The following SMR3A variants were observed in gnomAD, a reference collection of about 807,000 sequenced individuals.
SMR3A encodes the protein submaxillary gland androgen-regulated protein 3A.
For synonymous variants in SMR3A, 48 were observed against 57.4 expected (o/e 0.84, Z 0.74); for missense variants, 188 against 163.0 (o/e 1.15, Z -0.84).
intron 2 of SMR3A, among the ~76,000 whole-genome samples, chr4:70,363,132 G>T (rs1271979982): frequency 6.6e-6 from 1 of 151,814 alleles, no homozygotes; most frequent in East Asian, 1.9e-4. Context: ...TCATAAAGCT[G>T]ATTTTCAACA....
rs760267988 is a variant in SMR3A at position 70,362,176 on chromosome 4, A to G, written c.54+7A>G. ...TCTTGCAGCGTGTTTCACAGTAAGT[A>G]TCATTAATCACGATCACACATCTTT... On this transcript the variant is annotated splice_region_variant and intron_variant, in intron 2 of 2. Transcript: ENST00000226460. 5.1e-5 allele frequency: 82 copies of G among 1,611,688 alleles called. No individual in the cohort carries two copies. The highest frequency in any genetic ancestry group is 6.6e-5 in the Non-Finnish European group (78 of 1,178,336).
At chr4:70,363,051 G>T (rs1732181502) in intron 2 of SMR3A, among the ~76,000 whole-genome samples, 1 of 151,764 alleles carries the variant, frequency 6.6e-6, no homozygotes, top group African/African-American at 2.4e-5. Context: ...ATGCATTATG[G>T]GTGGACATAA....
intron 2 of SMR3A, among the ~76,000 whole-genome samples, chr4:70,363,138 C>T (rs1377923825): frequency 6.6e-6 from 1 of 151,870 alleles, no homozygotes; most frequent in East Asian, 1.9e-4. Flanking sequence ...AGCTGATTTT[C>T]AACATTTTCA....
chr4:70,366,860 T>C lies in SMR3A; in HGVS notation c.271T>C (p.Ser91Pro). The change falls in exon 3 of 3, where the codon TCA becomes CCA. Residue 91 changes from serine (S) to proline (P), a missense_variant. Physicochemically the swap from Ser to Pro is moderately conservative, Grantham distance 74. Transcript: ENST00000226460. ...PPPYGPGRIQ[S>P]HSLPPPYGPG... ...ACCCTATGGTCCAGGGAGAATTCAA[T>C]CACACTCTCTTCCTCCTCCTTATGG... 6.2e-7 allele frequency: 1 copy of C among 1,613,438 alleles called. No homozygotes were observed. The highest frequency in any genetic ancestry group is 8.5e-7 in the Non-Finnish European group (1 of 1,179,752).
At chr4:70,366,546 A>T (rs1054567123) in intron 2 of SMR3A, 98 bp from the exon 3 acceptor site, 2 of 1,158,990 alleles carry the variant, frequency 1.7e-6, no homozygotes, top group Non-Finnish European at 2.4e-6. Context: ...AGAAATCTTG[A>T]GGCCATCTCA....
At position 70,366,808 on chromosome 4, in the gene SMR3A, A is replaced by G. The variant is rs1250808321; in HGVS notation, c.219A>G (p.Pro73=). Residue 73 remains proline (P), a synonymous_variant, in exon 3 of 3, where the codon CCA becomes CCG. Coordinates refer to ENST00000226460, the MANE Select transcript of SMR3A (RefSeq NM_012390.4). ...CACCCCTTTCTCCACCCTATGGTCC[A>G]GGGAGAATCCCACCATCCCCTCCTC... ...FPPPLSPPYG[P]GRIPPSPPPP... 1 of 1,613,292 alleles carries G rather than the reference A, an allele frequency of 6.2e-7. No homozygotes were observed. Among genetic ancestry groups the G allele is most frequent in the South Asian group, 1.1e-5 (1 of 91,060 alleles).
At chr4:70,364,786 G>C (rs1280143623) in intron 2 of SMR3A, among the ~76,000 whole-genome samples, 1 of 151,926 alleles carries the variant, frequency 6.6e-6, no homozygotes, top group African/African-American at 2.4e-5. Context: ...TCTAAGGTAA[G>C]ATACTCAAAA....
Position 70,366,641 on chromosome 4 carries a change from C to T in SMR3A, c.55-3C>T. On this transcript the variant is annotated splice_region_variant and splice_polypyrimidine_tract_variant and intron_variant, in intron 2 of 2. Transcript: ENST00000226460. ...AAAATTATTTACTTCTTTGTTTCCA[C>T]AGCCTGGTGAGAGTCAAAGAGGCCC... 1 of 1,583,912 alleles carries T rather than the reference C, an allele frequency of 6.3e-7. No homozygotes were observed. The highest frequency in any genetic ancestry group is 1.1e-5 in the South Asian group (1 of 87,548).
intron 2 of SMR3A, among the ~76,000 whole-genome samples, chr4:70,366,402 C>T (rs1175227482): frequency 6.9e-6 from 1 of 145,260 alleles, no homozygotes; most frequent in Admixed American, 6.7e-5. Flanking sequence ...CGCCACAACA[C>T]GGCATCTTGA....
chr4:70,364,190 T>A (rs1264013059), intron 2 of SMR3A, among the ~76,000 whole-genome samples: 1 of 152,070 alleles, frequency 6.6e-6, no homozygotes, highest in African/African-American at 2.4e-5. Flanking sequence ...TATTGGTGGT[T>A]GAAACTGAAT....
At position 70,367,032 on chromosome 4, in the gene SMR3A, G is replaced by A. The variant is rs771013127; in HGVS notation, c.*38G>A. 2.6e-6 allele frequency: 4 copies of A among 1,548,714 alleles called. No individual in the cohort carries two copies. The highest frequency in any genetic ancestry group is 2.7e-6 in the Non-Finnish European group (3 of 1,124,476). ...GCAACAGGTGCCACCACCCACAAAA[G>A]ACAACACTACCCTCGTAACTACTGC... On this transcript the variant is annotated 3_prime_UTR_variant, in exon 3 of 3. Transcript: ENST00000226460.
intron 1 of SMR3A, 80 bp from the exon 2 acceptor site, chr4:70,362,022 T>A: frequency 6.2e-7 from 1 of 1,602,078 alleles, no homozygotes. Flanking sequence ...TACTACATTA[T>A]ATCCATGTGT....
chr4:70,362,802 G>A (rs1324567338), intron 2 of SMR3A, among the ~76,000 whole-genome samples: 2 of 151,716 alleles, frequency 1.3e-5, no homozygotes, highest in African/African-American at 2.4e-5. Context: ...GTTACAAAGA[G>A]GAGATTAATT....
intron 1 of SMR3A, among the ~76,000 whole-genome samples, chr4:70,361,046 A>G (rs577900925): frequency 2.2e-4 from 33 of 152,052 alleles, no homozygotes; most frequent in African/African-American, 7.9e-4. Context: ...CAATTAGTCC[A>G]CCCAAGTACA....
chr4:70,362,608 C>A (rs1732173699), intron 2 of SMR3A, among the ~76,000 whole-genome samples: 2 of 151,790 alleles, frequency 1.3e-5, no homozygotes, highest in Admixed American at 1.3e-4. Context: ...TTAGGAGAAT[C>A]TTTGCATGCT....
At chr4:70,362,504 T>C (rs546231707) in intron 2 of SMR3A, among the ~76,000 whole-genome samples, 1 of 151,884 alleles carries the variant, frequency 6.6e-6, no homozygotes, top group Admixed American at 6.6e-5. Flanking sequence ...TCCTAACATA[T>C]GGAGTCACCT....
At chr4:70,364,419 G>A (rs1451116511) in intron 2 of SMR3A, among the ~76,000 whole-genome samples, 4 of 151,850 alleles carry the variant, frequency 2.6e-5, no homozygotes, top group Non-Finnish European at 5.9e-5. Flanking sequence ...ATGAAGAGCT[G>A]ATAGGATAGG....
chr4:70,365,996 C>T (rs1732251732), intron 2 of SMR3A, among the ~76,000 whole-genome samples: 2 of 151,960 alleles, frequency 1.3e-5, no homozygotes, highest in Admixed American at 1.3e-4. Flanking sequence ...TCATTGAGAG[C>T]CTAGGTATTC....
Position 70,362,031 on chromosome 4 carries a change from G to A in SMR3A, c.-14-71G>A, listed in dbSNP as rs548609975. 1.1e-5 allele frequency: 17 copies of A among 1,604,518 alleles called. No individual in the cohort carries two copies. In the South Asian group the frequency reaches 1.9e-4, roughly 18 times the overall value. On this transcript the variant is annotated intron_variant, in intron 1 of 2. Coordinates refer to ENST00000226460, the MANE Select transcript of SMR3A (RefSeq NM_012390.4). Reference sequence around the variant, plus strand: ...TATCTGTACTACATTATATCCATGTGTTGAGACATTTTAAATAGTACTTTT... The same window carrying A: ...TATCTGTACTACATTATATCCATGTATTGAGACATTTTAAATAGTACTTTT...
Sources: allele counts gnomAD v4.1 joint callset (sites outside exome capture counted in the v4.1 genomes callset), GRCh38; gene constraint gnomAD v4.1.1; transcripts MANE v1.5; gene names NCBI Gene and HGNC (gene_info 2026-07-23, HGNC 2026-07-21).